Variants in LRMDA observed in about 807,000 individuals in gnomAD.
LRMDA encodes leucine rich melanocyte differentiation associated.
A neutral mutation model predicts 29.8 loss-of-function variants in LRMDA; 18 were observed. The ratio of observed to expected loss-of-function variants is 0.60; its 90% CI spans 0.42 to 0.90. The LOEUF is 0.90. LRMDA is among the 40% of genes least tolerant of loss of function. LRMDA has a pLI of 0.00. For synonymous variants in LRMDA, 125 were observed against 109.4 expected, an observed-to-expected ratio of 1.14 and a Z score of -0.89; for missense variants, 273 against 273.9, an observed-to-expected ratio of 1.00 and a Z score of 0.02.
At chr10:76,507,533 G>A (rs1255979332) in intron 6 of LRMDA, among the ~76,000 whole-genome samples, 1 of 151,818 alleles carries the variant, frequency 6.6e-6, no homozygotes, top group Non-Finnish European at 1.5e-5. Context: ...TGTGTTGTTG[G>A]CTGTGCTTTT....
chr10:76,541,477 C>G (rs545338035), intron 6 of LRMDA, among the ~76,000 whole-genome samples: 1 of 152,108 alleles, frequency 6.6e-6, no homozygotes, highest in African/African-American at 2.4e-5. Context: ...CCAGCCAGGG[C>G]GACAGGATGA....
At chr10:76,271,237 A>G (rs1222398590) in intron 5 of LRMDA, among the ~76,000 whole-genome samples, 2 of 152,162 alleles carry the variant, frequency 1.3e-5, no homozygotes, top group African/African-American at 2.4e-5. Flanking sequence ...GCAAAACTCC[A>G]TTTCTACAAA....
chr10:76,487,593 T>C (rs554462746), intron 6 of LRMDA, among the ~76,000 whole-genome samples: 1 of 151,996 alleles, frequency 6.6e-6, no homozygotes, highest in South Asian at 2.1e-4. Flanking sequence ...CTGGCATGTC[T>C]GTATGGGGTT....
intron 5 of LRMDA, among the ~76,000 whole-genome samples, chr10:76,191,693 G>C (rs1589370143): frequency 6.6e-6 from 1 of 152,302 alleles, no homozygotes; most frequent in South Asian, 2.1e-4. Context: ...GTGACAGACT[G>C]TCTGCAGTTT....
At position 76,177,176 on chromosome 10, in the gene LRMDA, C is replaced by G. The variant is rs74578157; in HGVS notation, c.516+118393C>G. 2.1e-3 allele frequency among the ~76,000 whole-genome samples: 323 copies of G among 152,286 alleles called. 3 individuals carry two copies. Among genetic ancestry groups the G allele is most frequent in the African/African-American group, 7.2e-3 (300 of 41,558 alleles). On this transcript the variant is annotated intron_variant, in intron 5 of 6. Transcript: ENST00000611255. ...CCATCCCAGCAGCACGCTTTTTAAT[C>G]GGAGAAGAATTTCTCTACCTGCCAA...
intron 2 of LRMDA, among the ~76,000 whole-genome samples, chr10:75,528,483 T>C (rs1845439447): frequency 6.6e-6 from 1 of 152,214 alleles, no homozygotes. Flanking sequence ...TCCTTGGCTG[T>C]TACGACTGTG....
At chr10:75,964,044 G>A (rs1846814448) in intron 2 of LRMDA, among the ~76,000 whole-genome samples, 1 of 152,158 alleles carries the variant, frequency 6.6e-6, no homozygotes, top group Non-Finnish European at 1.5e-5. Context: ...TCCTGCAGGA[G>A]ATAATTAGGA....
chr10:75,469,581 T>C (rs1363373297), intron 2 of LRMDA, among the ~76,000 whole-genome samples: 2 of 118,374 alleles, frequency 1.7e-5, no homozygotes, highest in East Asian at 4.8e-4. Context: ...TGTGTGAGTG[T>C]ATGTGCGTGT....
intron 2 of LRMDA, among the ~76,000 whole-genome samples, chr10:75,945,179 C>A (rs548267302): frequency 6.6e-6 from 1 of 152,200 alleles, no homozygotes; most frequent in Non-Finnish European, 1.5e-5. Context: ...TTCTAGCAGG[C>A]AGCTAACTTG....
intron 6 of LRMDA, among the ~76,000 whole-genome samples, chr10:76,342,968 G>A (rs200455198): frequency 6.6e-6 from 1 of 150,846 alleles, no homozygotes; most frequent in African/African-American, 2.4e-5. Context: ...AACCGGGTCT[G>A]GGGGCTGGAG....
chr10:76,109,166 C>T (rs1363361830), intron 5 of LRMDA, among the ~76,000 whole-genome samples: 2 of 152,128 alleles, frequency 1.3e-5, no homozygotes, highest in African/African-American at 2.4e-5. Context: ...AGTGTGCCTG[C>T]GCATGGGCTG....
intron 6 of LRMDA, among the ~76,000 whole-genome samples, chr10:76,415,226 A>G (rs1017278022): frequency 6.6e-6 from 1 of 152,166 alleles, no homozygotes; most frequent in African/African-American, 2.4e-5. Context: ...TGGACTTCCT[A>G]AGGTTCCATT....
At chr10:75,434,736 A>G (rs1254594320) in intron 1 of LRMDA, among the ~76,000 whole-genome samples, 1 of 152,202 alleles carries the variant, frequency 6.6e-6, no homozygotes, top group Non-Finnish European at 1.5e-5. Context: ...ACAGGTGTGC[A>G]CCACTGTGCC....
chr10:75,810,079 A>C (rs147602118), intron 2 of LRMDA, among the ~76,000 whole-genome samples: 18 of 152,300 alleles, frequency 1.2e-4, no homozygotes, highest in Non-Finnish European at 2.4e-4. Context: ...AGATGGCTCC[A>C]GGTGGACGAA....
chr10:75,854,157 G>C (rs893140489), intron 2 of LRMDA, among the ~76,000 whole-genome samples: 1 of 152,194 alleles, frequency 6.6e-6, no homozygotes, highest in African/African-American at 2.4e-5. Flanking sequence ...TCATGCGAAT[G>C]AGTGGCTCTA....
At chr10:75,870,364 T>C (rs1032473681) in intron 2 of LRMDA, among the ~76,000 whole-genome samples, 4 of 102,620 alleles carry the variant, frequency 3.9e-5, no homozygotes, top group African/African-American at 1.5e-4. Context: ...ATGAATTGAT[T>C]TCTCTGCATT....
intron 2 of LRMDA, among the ~76,000 whole-genome samples, chr10:75,454,629 C>T (rs73290664): frequency 0.011 from 1,738 of 152,288 alleles, 40 homozygotes; most frequent in African/African-American, 0.04. Context: ...GGAGCCTGGG[C>T]GGCAGCCATC....
chr10:76,026,603 C>T (rs1386924078), intron 2 of LRMDA, among the ~76,000 whole-genome samples: 1 of 152,102 alleles, frequency 6.6e-6, no homozygotes, highest in African/African-American at 2.4e-5. Flanking sequence ...TACACCCTTC[C>T]CATAGTTAGG....
intron 2 of LRMDA, among the ~76,000 whole-genome samples, chr10:75,550,848 G>T (rs752768053): frequency 2.6e-5 from 4 of 151,934 alleles, no homozygotes; most frequent in Non-Finnish European, 1.5e-5. Flanking sequence ...TTGCTTTAGG[G>T]TGTACAGTAT....
Sources: gnomAD v4.1 joint callset for allele counts (sites outside exome capture counted in the v4.1 genomes callset) on GRCh38, gnomAD v4.1.1 for gene constraint, MANE v1.5 for transcripts, NCBI Gene and HGNC (gene_info 2026-07-23, HGNC 2026-07-21) for gene names.